Variants in CNTNAP4 observed in about 807,000 individuals in gnomAD.
CNTNAP4 encodes the protein contactin associated protein family member 4.
CNTNAP4 carries 98 observed loss-of-function variants against 148.4 expected under a neutral mutation model. That is an observed-to-expected ratio of 0.66 (90% CI 0.56 to 0.78). The LOEUF (loss-of-function observed/expected upper bound fraction) is 0.78. Among genes scored for constraint, CNTNAP4 ranks in the 30% least tolerant of loss-of-function variants. The pLI is 0.00. For missense variants in CNTNAP4, 1,935 were observed against 1,565.6 expected, an observed-to-expected ratio of 1.24 and a Z score of -3.98; for synonymous variants, 730 against 565.1, an observed-to-expected ratio of 1.29 and a Z score of -4.14.
intron 3 of CNTNAP4, among the ~76,000 whole-genome samples, chr16:76,411,011 T>G (rs8043608): frequency 6.6e-6 from 1 of 151,052 alleles, no homozygotes; most frequent in East Asian, 1.9e-4. Context: ...ATATACATTA[T>G]AATATGAAGT....
Position 76,467,423 on chromosome 16 carries a change from A to G in CNTNAP4, c.1555A>G (p.Ile519Val). 1 of 1,613,896 alleles carries G rather than the reference A, an allele frequency of 6.2e-7. No homozygotes were observed. Among genetic ancestry groups the G allele is most frequent in the Non-Finnish European group, 8.5e-7 (1 of 1,179,850 alleles). ...TGGATTTCAGGGATGTATGAGGCTC[A>G]TTTCTATCAGCGGCAAAGTGGTAGA... ...LGGFQGCMRL[I>V]SISGKVVDLI... Residue 519 changes from isoleucine to valine, a missense_variant, in exon 10 of 24, where the codon ATT (isoleucine) becomes GTT (valine). Physicochemically the swap from Ile to Val is conservative, Grantham distance 29. Transcript: ENST00000611870.
chr16:76,282,723 T>A (rs1421569871), intron 1 of CNTNAP4, among the ~76,000 whole-genome samples: 1 of 151,892 alleles, frequency 6.6e-6, no homozygotes, highest in East Asian at 1.9e-4. Context: ...GGGTAAATGG[T>A]TTGTGTATTT....
intron 15 of CNTNAP4, among the ~76,000 whole-genome samples, chr16:76,504,973 C>G (rs1454479538): frequency 6.6e-6 from 1 of 151,972 alleles, no homozygotes; most frequent in East Asian, 1.9e-4. Flanking sequence ...ATAACAAGTG[C>G]TAGTAAGGAT....
intron 21 of CNTNAP4, among the ~76,000 whole-genome samples, chr16:76,552,357 T>A: frequency 6.6e-6 from 1 of 150,856 alleles, no homozygotes. Context: ...GTTGTGCTAT[T>A]TTTTTTTATC....
chr16:76,286,223 A>G (rs566660879), intron 1 of CNTNAP4, among the ~76,000 whole-genome samples: 83 of 136,136 alleles, frequency 6.1e-4, no homozygotes, highest in African/African-American at 1.9e-3. Flanking sequence ...GTGTGTGAAG[A>G]TAACTGTGGG....
intron 2 of CNTNAP4, among the ~76,000 whole-genome samples, chr16:76,352,522 A>G (rs1283351664): frequency 6.6e-6 from 1 of 152,160 alleles, no homozygotes; most frequent in African/African-American, 2.4e-5. Flanking sequence ...AGTTAGGGGC[A>G]TGGTGCCTCT....
chr16:76,389,477 A>G (rs1202233906), intron 3 of CNTNAP4, among the ~76,000 whole-genome samples: 2 of 152,064 alleles, frequency 1.3e-5, no homozygotes, highest in East Asian at 1.9e-4. Flanking sequence ...TGTTTGAGAC[A>G]GTATCTCCCT....
Position 76,467,460 on chromosome 16 carries a change from T to A in CNTNAP4, c.1592T>A (p.Val531Asp). Residue 531 changes from valine to aspartate, a missense_variant, in exon 10 of 24, where the codon GTT (valine) becomes GAT (aspartate). By Grantham distance (152) the Val-to-Asp change is radical (BLOSUM62 -3). Transcript: ENST00000611870. Reference sequence around the variant, plus strand: ...GGCAAAGTGGTAGATCTGATTTCAGTTCAGCAGGGGTCCCTTGGGAACTTC... The same window carrying A: ...GGCAAAGTGGTAGATCTGATTTCAGATCAGCAGGGGTCCCTTGGGAACTTC... Reference protein sequence around the residue: ...ISGKVVDLISVQQGSLGNFSD... With the variant: ...ISGKVVDLISDQQGSLGNFSD... 1 of 1,613,882 alleles carries A rather than the reference T, an allele frequency of 6.2e-7. No homozygotes were observed. The highest frequency in any genetic ancestry group is 8.5e-7 in the Non-Finnish European group (1 of 1,179,860).
At chr16:76,428,713 TA>T (rs1174423496) in intron 4 of CNTNAP4, among the ~76,000 whole-genome samples, 1 of 152,060 alleles carries the variant, frequency 6.6e-6, no homozygotes, top group African/African-American at 2.4e-5. Context: ...GCCTACAGAA[TA>T]ATACTAATAA....
At chr16:76,462,143 A>G (rs772368400) in intron 9 of CNTNAP4, 38 bp downstream of exon 9, 2 of 1,564,532 alleles carry the variant, frequency 1.3e-6, no homozygotes, top group South Asian at 1.1e-5. Flanking sequence ...CAACTGAACC[A>G]TATTTGCATT....
At chr16:76,411,240 T>G (rs1289123577) in intron 3 of CNTNAP4, among the ~76,000 whole-genome samples, 1 of 151,432 alleles carries the variant, frequency 6.6e-6, no homozygotes, top group Non-Finnish European at 1.5e-5. Flanking sequence ...GTTGGTTGAT[T>G]GCGAGTCTCT....
intron 17 of CNTNAP4, among the ~76,000 whole-genome samples, chr16:76,527,518 T>C (rs2083794034): frequency 6.6e-6 from 1 of 152,194 alleles, no homozygotes; most frequent in Non-Finnish European, 1.5e-5. Flanking sequence ...TCGACTATCC[T>C]TTGTATCTGG....
At chr16:76,357,975 G>A (rs1183120948) in intron 3 of CNTNAP4, among the ~76,000 whole-genome samples, 1 of 152,188 alleles carries the variant, frequency 6.6e-6, no homozygotes, top group African/African-American at 2.4e-5. Flanking sequence ...ATGTGAGTAT[G>A]TCAGTCTGCT....
intron 3 of CNTNAP4, among the ~76,000 whole-genome samples, chr16:76,386,166 A>C (rs1445805070): frequency 6.6e-6 from 1 of 152,188 alleles, no homozygotes; most frequent in South Asian, 2.1e-4. Context: ...AATCTTAGCT[A>C]GTAGGCAAAT....
intron 8 of CNTNAP4, among the ~76,000 whole-genome samples, chr16:76,459,979 G>A (rs1321279277): frequency 6.6e-6 from 1 of 152,124 alleles, no homozygotes; most frequent in Admixed American, 6.5e-5. Flanking sequence ...TTTGATTTTA[G>A]CAACTTTTGA....
intron 3 of CNTNAP4, among the ~76,000 whole-genome samples, chr16:76,377,801 A>G (rs1036381433): frequency 6.6e-6 from 1 of 152,194 alleles, no homozygotes; most frequent in African/African-American, 2.4e-5. Context: ...AGAACTATAA[A>G]AATGCTTACT....
At chr16:76,474,152 G>C (rs918462827) in intron 10 of CNTNAP4, among the ~76,000 whole-genome samples, 1 of 152,174 alleles carries the variant, frequency 6.6e-6, no homozygotes, top group Non-Finnish European at 1.5e-5. Flanking sequence ...ATCTGTGTTT[G>C]CTTCTTGGTG....
chr16:76,445,602 T>A (rs140973591), intron 4 of CNTNAP4, among the ~76,000 whole-genome samples: 262 of 152,272 alleles, frequency 1.7e-3, no homozygotes, highest in African/African-American at 6.1e-3. Context: ...TATGCCATTT[T>A]GCTGATTGAA....
intron 12 of CNTNAP4, among the ~76,000 whole-genome samples, chr16:76,483,096 C>A (rs2081896796): frequency 6.6e-6 from 1 of 152,054 alleles, no homozygotes; most frequent in Non-Finnish European, 1.5e-5. Context: ...TAACAATCCA[C>A]CACTGCAAAC....
Sources: gnomAD v4.1 joint callset for allele counts (sites outside exome capture counted in the v4.1 genomes callset) on GRCh38, gnomAD v4.1.1 for gene constraint, MANE v1.5 for transcripts, NCBI Gene and HGNC (gene_info 2026-07-23, HGNC 2026-07-21) for gene names.